ARIH1: variants seen among roughly 807,000 people sequenced by gnomAD.
The protein encoded by ARIH1 is ariadne RBR E3 ubiquitin protein ligase 1.
ARIH1 carries 8 observed loss-of-function variants against 85.0 expected under a neutral mutation model. That is an observed-to-expected ratio of 0.09 (90% CI 0.06 to 0.17). The LOEUF is 0.17. Among genes scored for constraint, ARIH1 ranks in the 10% least tolerant of loss-of-function variants. The probability of loss-of-function intolerance (pLI) is 1.00; values close to 1 mark genes in which losing one functional copy is unlikely to be tolerated. For missense variants in ARIH1, 311 were observed against 718.1 expected (o/e 0.43, Z 6.48); for synonymous variants, 238 against 253.6 (o/e 0.94, Z 0.59).
Position 72,594,750 on chromosome 15 carries a change from C to T in ARIH1, c.*11458C>T, listed in dbSNP as rs1043356058. On this transcript the variant is annotated 3_prime_UTR_variant, in exon 14 of 14. Transcript: ENST00000379887. ...CGTAGAGTTTTATATTAAATAGATA[C>T]ACAACAGTGTAGTCTGCAAATAATG... 3.3e-5 allele frequency: 5 copies of T among 149,364 alleles called. No individual in the cohort carries two copies. The highest frequency in any genetic ancestry group is 1.2e-4 in the African/African-American group (5 of 40,498). 9.3% of individuals were successfully genotyped at this position (149,364 alleles called of 1,614,324 possible). A position where few individuals can be genotyped will look rare whatever the true frequency, so the allele number is the denominator to read the frequency against.
At chr15:72,581,063 TAC>T (rs1190825521) in intron 12 of ARIH1, 72 bp downstream of exon 12, 3 of 1,482,806 alleles carry the variant, frequency 2.0e-6, no homozygotes, top group East Asian at 2.3e-5. Flanking sequence ...ATATATAAGA[TAC>T]AGAGTTTTCA....
At chr15:72,575,345 G>A (rs1191178962) in intron 11 of ARIH1, among the ~76,000 whole-genome samples, 2 of 152,100 alleles carry the variant, frequency 1.3e-5, no homozygotes, top group Non-Finnish European at 2.9e-5. Flanking sequence ...TTGGGATGCT[G>A]AGGCGAGAGG....
rs1372495817 is a variant in ARIH1 at position 72,600,126 on chromosome 15, C to G, written c.*16834C>G. ...TGATAAAACATTAAAAATGTAAAAACTCAACTGTAGCTCCTTGTTTATACA... is the reference window on the plus strand; with the variant it reads ...TGATAAAACATTAAAAATGTAAAAAGTCAACTGTAGCTCCTTGTTTATACA... On this transcript the variant is annotated 3_prime_UTR_variant, in exon 14 of 14. Coordinates refer to ENST00000379887, the MANE Select transcript of ARIH1 (RefSeq NM_005744.5). The G allele has an allele frequency of 6.6e-6, 1 of 152,170 alleles. No homozygotes were observed. The highest frequency in any genetic ancestry group is 1.5e-5 in the Non-Finnish European group (1 of 68,032). 9.4% of individuals were successfully genotyped at this position (152,170 alleles called of 1,614,324 possible). A position where few individuals can be genotyped will look rare whatever the true frequency, so the allele number is the denominator to read the frequency against.
At position 72,476,421 on chromosome 15, in the gene ARIH1, A is replaced by G. The variant is rs141374596; in HGVS notation, c.375+1407A>G. 6.4e-4 allele frequency among the ~76,000 whole-genome samples: 98 copies of G among 152,270 alleles called. No individual in the cohort carries two copies. The East Asian group carries it at 0.014, about 22-fold the overall frequency. On this transcript the variant is annotated intron_variant, in intron 1 of 13. Coordinates refer to ENST00000379887, the MANE Select transcript of ARIH1 (RefSeq NM_005744.5). ...GCTTTGTCGCCCAGGCTGGAGTGCAATGGCGCAATCTCTGCTCACTGCAAC... is the reference window on the plus strand; with the variant it reads ...GCTTTGTCGCCCAGGCTGGAGTGCAGTGGCGCAATCTCTGCTCACTGCAAC...
In ARIH1 at chr15:72,589,867, AG is replaced by A. The variant is rs1337540579; in HGVS notation, c.*6577del. ...AAGAGACAGTCTTGCTATGTTGCCC[AG>A]GCTGGACTTGAACTCCTAGTCTCAG... On this transcript the variant is annotated 3_prime_UTR_variant, in exon 14 of 14. Transcript: ENST00000379887. 6.6e-6 allele frequency: 1 copy of A among 152,242 alleles called. No homozygotes were observed. Among genetic ancestry groups the A allele is most frequent in the East Asian group, 1.9e-4 (1 of 5,174 alleles). The allele number at this position is 152,242 out of a possible 1,614,324, so 9.4% of individuals were successfully genotyped here. A position where few individuals can be genotyped will look rare whatever the true frequency, so the allele number is the denominator to read the frequency against.
At chr15:72,512,080 T>C (rs1333535382) in intron 1 of ARIH1, among the ~76,000 whole-genome samples, 2 of 152,206 alleles carry the variant, frequency 1.3e-5, no homozygotes, top group South Asian at 2.1e-4. Context: ...TAATATTTCA[T>C]TGAGGATTTT....
At chr15:72,498,424 A>C (rs755602491) in intron 1 of ARIH1, among the ~76,000 whole-genome samples, 5 of 152,148 alleles carry the variant, frequency 3.3e-5, no homozygotes, top group Non-Finnish European at 7.3e-5. Flanking sequence ...CATCTAATTC[A>C]CTCATATTTG....
At chr15:72,514,735 G>A (rs946304873) in intron 1 of ARIH1, among the ~76,000 whole-genome samples, 1 of 150,002 alleles carries the variant, frequency 6.7e-6, no homozygotes, top group South Asian at 2.1e-4. Flanking sequence ...GCCAGGCGCA[G>A]TGGCTCATGC....
chr15:72,486,694 CT>C (rs34770375), intron 1 of ARIH1, among the ~76,000 whole-genome samples: 4,442 of 92,628 alleles, frequency 0.048, 27 homozygotes, highest in African/African-American at 0.12. Context: ...TTAAAAATGA[CT>C]TTTTTTTTTT....
chr15:72,528,895 G>A (rs1364081311), intron 2 of ARIH1, among the ~76,000 whole-genome samples: 1 of 152,076 alleles, frequency 6.6e-6, no homozygotes, highest in Non-Finnish European at 1.5e-5. Context: ...GAGGAGAGTA[G>A]TGAAGGGCAA....
intron 1 of ARIH1, among the ~76,000 whole-genome samples, chr15:72,506,255 C>T (rs2063924288): frequency 6.8e-6 from 1 of 147,158 alleles, no homozygotes; most frequent in Non-Finnish European, 1.5e-5. Context: ...GAGGCTGAGG[C>T]AGGGGAATGG....
In ARIH1 at chr15:72,585,577, C is replaced by T. The variant is rs540459737; in HGVS notation, c.*2285C>T. Reference sequence around the variant, plus strand: ...CTTTGCAGTGTCTAGGTTTGAGTGTCATAAATCCACGTGTTCCTGTTGCAA... The same window carrying T: ...CTTTGCAGTGTCTAGGTTTGAGTGTTATAAATCCACGTGTTCCTGTTGCAA... On this transcript the variant is annotated 3_prime_UTR_variant, in exon 14 of 14. Transcript: ENST00000379887. 60 of 152,128 alleles carry T rather than the reference C, an allele frequency of 3.9e-4. No homozygotes were observed. Among genetic ancestry groups the T allele is most frequent in the African/African-American group, 1.4e-3 (58 of 41,494 alleles). 9.4% of individuals were successfully genotyped at this position (152,128 alleles called of 1,614,324 possible).
intron 10 of ARIH1, 132 bp downstream of exon 10, chr15:72,570,439 T>G: frequency 8.8e-7 from 1 of 1,137,552 alleles, no homozygotes; most frequent in African/African-American, 1.6e-5. Context: ...TGATTAATGT[T>G]ATAAGTCTAT....
intron 2 of ARIH1, among the ~76,000 whole-genome samples, chr15:72,520,459 C>A (rs1428554862): frequency 2.0e-5 from 3 of 150,050 alleles, no homozygotes; most frequent in African/African-American, 4.9e-5. Flanking sequence ...ATGTAGGTGC[C>A]GTTTAAAAAA....
rs372169414 is a variant in ARIH1, at chr15:72,582,467, A to G, written c.1589+280A>G. On this transcript the variant is annotated intron_variant, in intron 13 of 13. Transcript: ENST00000379887. The surrounding 1 kb of genome is among the most constrained non-coding windows in gnomAD (Gnocchi z 4.6). Reference sequence around the variant, plus strand: ...AGGAAGAAAGAATCCAAAAAGGCCAAGTGGCCTTTAGGATGAGAGTGAGAA... The same window carrying G: ...AGGAAGAAAGAATCCAAAAAGGCCAGGTGGCCTTTAGGATGAGAGTGAGAA... Among the ~76,000 whole-genome samples, 16 of 152,268 alleles carry G rather than the reference A, an allele frequency of 1.1e-4. No homozygotes were observed. Among genetic ancestry groups the G allele is most frequent in the African/African-American group, 3.6e-4 (15 of 41,562 alleles).
chr15:72,508,994 CTT>C (rs34620007), intron 1 of ARIH1, among the ~76,000 whole-genome samples: 24 of 137,028 alleles, frequency 1.8e-4, no homozygotes, highest in African/African-American at 1.9e-4. Flanking sequence ...GTGCCTGGCC[CTT>C]TTTTTTTTTT....
Position 72,590,123 on chromosome 15 carries a change from G to A in ARIH1, c.*6831G>A, listed in dbSNP as rs2064336538. The A allele has an allele frequency of 6.6e-6, 1 of 152,250 alleles. No individual in the cohort carries two copies. Among genetic ancestry groups the A allele is most frequent in the African/African-American group, 2.4e-5 (1 of 41,450 alleles). 9.4% of individuals were successfully genotyped at this position (152,250 alleles called of 1,614,324 possible). On this transcript the variant is annotated 3_prime_UTR_variant, in exon 14 of 14. Coordinates refer to ENST00000379887, the MANE Select transcript of ARIH1 (RefSeq NM_005744.5). ...GTCAGCACACACAGTGCCGGGCACTGGCAGTACAGCAGTGAACAAAAGGTC... is the reference window on the plus strand; with the variant it reads ...GTCAGCACACACAGTGCCGGGCACTAGCAGTACAGCAGTGAACAAAAGGTC...
chr15:72,482,024 C>T (rs1048491550), intron 1 of ARIH1, among the ~76,000 whole-genome samples: 6 of 151,874 alleles, frequency 4.0e-5, no homozygotes, highest in African/African-American at 1.2e-4. Flanking sequence ...TTGGTAGAGA[C>T]GGGGTTTCAC....
intron 13 of ARIH1, 27 bp from the exon 14 acceptor site, chr15:72,583,181 T>C (rs1423573767): frequency 1.1e-6 from 1 of 874,146 alleles, no homozygotes; most frequent in African/African-American, 1.9e-5. Flanking sequence ...TGACAACAAG[T>C]TTTTTTTTTT....
Sources: allele counts gnomAD v4.1 joint callset (sites outside exome capture counted in the v4.1 genomes callset), GRCh38; gene constraint gnomAD v4.1.1; non-coding constraint Gnocchi (gnomAD v3.1); transcripts MANE v1.5; gene names NCBI Gene and HGNC (gene_info 2026-07-23, HGNC 2026-07-21).